Variants in OTOL1 observed in about 807,000 individuals in gnomAD.
The protein encoded by OTOL1 is otolin 1, also known as otolin-1.
In OTOL1, 31 loss-of-function variants were observed where a neutral mutation model predicts 25.0. That is an observed-to-expected ratio of 1.24 (90% CI 0.93 to 1.67). The LOEUF is 1.67. Among genes scored for constraint, OTOL1 ranks in the 40% most tolerant of loss-of-function variants. OTOL1 has a pLI of 0.00. For missense variants in OTOL1, 654 were observed against 587.7 expected (o/e 1.11, Z -1.17); for synonymous variants, 225 against 210.3 (o/e 1.07, Z -0.61).
At position 161,503,502 on chromosome 3, in the gene OTOL1, G is replaced by T; in HGVS notation, c.994G>T (p.Gly332Cys). The change falls in exon 4 of 4, where the codon GGC becomes TGC. Residue 332 changes from glycine to cysteine, a missense_variant. Transcript: ENST00000327928. ...GAAGAAGGGCTCTCGGGGCTTTAAA[G>T]GCTCCAAGGGTGAGTTGGCTAGAGT... is the stretch of plus-strand genomic sequence containing the variant. ...TGKKGSRGFK[G>C]SKGELARVPR... The T allele has an allele frequency of 6.2e-7, 1 of 1,613,778 alleles. No individual in the cohort carries two copies. Among genetic ancestry groups the T allele is most frequent in the Non-Finnish European group, 8.5e-7 (1 of 1,179,812 alleles).
rs746515329 is a variant in OTOL1, at chr3:161,503,642, G to A, written c.1134G>A (p.Gly378=). 1 of 1,613,862 alleles carries A rather than the reference G, an allele frequency of 6.2e-7. No individual in the cohort carries two copies. The highest frequency in any genetic ancestry group is 1.1e-5 in the South Asian group (1 of 91,058). ...AAGGGAATTACAGTCCTGTCACTGGGAAGTTTAACTGCTCTATTCCTGGGA... is the reference window on the plus strand; with the variant it reads ...AAGGGAATTACAGTCCTGTCACTGGAAAGTTTAACTGCTCTATTCCTGGGA... The part of the protein sequence containing the change: ...NDQGNYSPVT[G]KFNCSIPGTY... Residue 378 remains glycine, a synonymous_variant, in exon 4 of 4, where the codon GGG becomes GGA. Transcript: ENST00000327928.
At chr3:161,497,889 A>G (rs1718875542) in intron 1 of OTOL1, among the ~76,000 whole-genome samples, 1 of 152,178 alleles carries the variant, frequency 6.6e-6, no homozygotes, top group Non-Finnish European at 1.5e-5. Flanking sequence ...TGTCATCTAG[A>G]AGAGAATTCA....
In OTOL1 at chr3:161,503,463, C is replaced by T. The variant is rs768325686; in HGVS notation, c.955C>T (p.Arg319Ter). 1.1e-5 allele frequency: 17 copies of T among 1,613,170 alleles called. No individual in the cohort carries two copies. The highest frequency in any genetic ancestry group is 1.6e-4 in the Middle Eastern group (1 of 6,082). The change falls in exon 4 of 4, where the codon CGA becomes TGA. Residue 319 changes from arginine (R) to a stop codon, truncating the protein, a stop_gained. Coordinates refer to ENST00000327928, the MANE Select transcript of OTOL1 (RefSeq NM_001080440.1). LOFTEE classifies it low-confidence loss of function (END_TRUNC). ...GGGTGACATTGGCAACAAAGGGGTC[C>T]GAGGCCCCACTGGGAAGAAGGGCTC... ...PKGDIGNKGV[R>*]GPTGKKGSRG...
intron 2 of OTOL1, among the ~76,000 whole-genome samples, chr3:161,500,566 G>GA (rs914174783): frequency 1.5e-4 from 22 of 150,990 alleles, no homozygotes; most frequent in African/African-American, 4.1e-4. Flanking sequence ...TAGAAAGTTA[G>GA]AAAAAAAAAT....
rs770545451 is a variant in OTOL1, at chr3:161,497,185, T to C, written c.364+14T>C. On this transcript the variant is annotated intron_variant, in intron 1 of 3. Transcript: ENST00000327928. Reference sequence around the variant, plus strand: ...CTGGACAGCCAGGTATTAGAAAATATAAGAAGTCATGTTTCTCACTTGTAC... The same window carrying C: ...CTGGACAGCCAGGTATTAGAAAATACAAGAAGTCATGTTTCTCACTTGTAC... 3.8e-6 allele frequency: 6 copies of C among 1,593,652 alleles called. No individual in the cohort carries two copies. In the East Asian group the frequency reaches 1.1e-4, roughly 30 times the overall value.
In OTOL1 at chr3:161,497,176, T is replaced by C. The variant is rs759793797; in HGVS notation, c.364+5T>C. ...CTGGAGAGACTGGACAGCCAGGTAT[T>C]AGAAAATATAAGAAGTCATGTTTCT... is the stretch of plus-strand genomic sequence containing the variant. On this transcript the variant is annotated splice_donor_5th_base_variant and intron_variant, in intron 1 of 3. Coordinates refer to ENST00000327928, the MANE Select transcript of OTOL1 (RefSeq NM_001080440.1). 4.4e-5 allele frequency: 71 copies of C among 1,599,310 alleles called. No individual in the cohort carries two copies. The highest frequency in any genetic ancestry group is 5.6e-5 in the Non-Finnish European group (66 of 1,174,078).
In OTOL1 at chr3:161,499,226, G is replaced by A; in HGVS notation, c.420G>A (p.Gly140=). 1 of 1,611,162 alleles carries A rather than the reference G, an allele frequency of 6.2e-7. No individual in the cohort carries two copies. Among genetic ancestry groups the A allele is most frequent in the South Asian group, 1.1e-5 (1 of 90,272 alleles). ...TCCCAGGGCCACCAGGAGTTGTTGG[G>A]CCCCAAGGCCCTAGAGGCTACAAAG... The part of the protein sequence containing the change: ...LGIPGPPGVV[G]PQGPRGYKGE... The change falls in exon 2 of 4, where the codon GGG becomes GGA. Residue 140 remains glycine, a synonymous_variant. Transcript: ENST00000327928.
chr3:161,502,260 T>C (rs1298041013), intron 2 of OTOL1, 47 bp from the exon 3 acceptor site: 1 of 1,470,158 alleles, frequency 6.8e-7, no homozygotes. Flanking sequence ...ATTAAATATA[T>C]CATAAATGAT....
At chr3:161,502,211 A>G in intron 2 of OTOL1, 96 bp from the exon 3 acceptor site, 1 of 1,198,844 alleles carries the variant, frequency 8.3e-7, no homozygotes, top group Non-Finnish European at 1.2e-6. Flanking sequence ...CATTTTGGTT[A>G]AAGAAAACAC....
Position 161,499,229 on chromosome 3 carries a change from C to A in OTOL1, c.423C>A (p.Pro141=). Residue 141 remains proline, a synonymous_variant, in exon 2 of 4, where the codon CCC becomes CCA. Transcript: ENST00000327928. The part of the protein sequence containing the change: ...GIPGPPGVVG[P]QGPRGYKGEK... ...CAGGGCCACCAGGAGTTGTTGGGCC[C>A]CAAGGCCCTAGAGGCTACAAAGGAG... The A allele has an allele frequency of 6.2e-7, 1 of 1,610,946 alleles. No individual in the cohort carries two copies. The highest frequency in any genetic ancestry group is 8.5e-7 in the Non-Finnish European group (1 of 1,178,674).
At position 161,497,017 on chromosome 3, in the gene OTOL1, C is replaced by T. The variant is rs1293975417; in HGVS notation, c.210C>T (p.Thr70=). Reference sequence around the variant, plus strand: ...TGGCTGAAATGGCAGAACCAATTACCAAACCCTCGGCCTTGGATTCTGTCT... The same window carrying T: ...TGGCTGAAATGGCAGAACCAATTACTAAACCCTCGGCCTTGGATTCTGTCT... ...TEMAEMAEPI[T]KPSALDSVFG... is the part of the protein sequence containing the mutation. The change falls in exon 1 of 4, where the codon ACC becomes ACT. Residue 70 remains threonine (T), a synonymous_variant. Coordinates refer to ENST00000327928, the MANE Select transcript of OTOL1 (RefSeq NM_001080440.1). 9 of 1,613,640 alleles carry T rather than the reference C, an allele frequency of 5.6e-6. No individual in the cohort carries two copies. Among genetic ancestry groups the T allele is most frequent in the Non-Finnish European group, 7.6e-6 (9 of 1,179,662 alleles).
chr3:161,498,616 T>C (rs1718895017), intron 1 of OTOL1, among the ~76,000 whole-genome samples: 1 of 152,176 alleles, frequency 6.6e-6, no homozygotes, highest in Non-Finnish European at 1.5e-5. Flanking sequence ...TTATATCATT[T>C]ACTACAATGT....
intron 1 of OTOL1, among the ~76,000 whole-genome samples, chr3:161,498,911 G>A (rs1252984031): frequency 6.6e-6 from 1 of 152,140 alleles, no homozygotes; most frequent in Non-Finnish European, 1.5e-5. Flanking sequence ...ATATAGTGCT[G>A]CTTCCCTGAA....
chr3:161,500,891 G>A (rs1718958756), intron 2 of OTOL1, among the ~76,000 whole-genome samples: 1 of 152,172 alleles, frequency 6.6e-6, no homozygotes, highest in Admixed American at 6.5e-5. Flanking sequence ...TTCTCTAGTT[G>A]ATCTTGTGAA....
chr3:161,502,408 C>G (rs374301254), intron 3 of OTOL1, 39 bp downstream of exon 3: 3 of 1,508,986 alleles, frequency 2.0e-6, no homozygotes, highest in African/African-American at 1.4e-5. Context: ...CAGTCAGGTG[C>G]GCAGTATAGC....
rs2108230538 is a variant in OTOL1 at position 161,503,570 on chromosome 3, T to A, written c.1062T>A (p.Pro354=). 6.2e-7 allele frequency: 1 copy of A among 1,613,720 alleles called. No individual in the cohort carries two copies. The highest frequency in any genetic ancestry group is 2.2e-5 in the East Asian group (1 of 44,842). ...AFSAGLSKPF[P]PPNIPIKFEK... is the part of the protein sequence containing the mutation. The stretch of plus-strand genomic sequence containing the variant: ...GCGCTGGTTTGTCAAAGCCATTTCC[T>A]CCTCCTAACATCCCCATCAAATTTG... The change falls in exon 4 of 4, where the codon CCT becomes CCA. Residue 354 remains proline, a synonymous_variant. Transcript: ENST00000327928.
chr3:161,498,883 T>C (rs1018432235), intron 1 of OTOL1, among the ~76,000 whole-genome samples: 1 of 152,240 alleles, frequency 6.6e-6, no homozygotes, highest in Non-Finnish European at 1.5e-5. Flanking sequence ...TGTCAGATTA[T>C]CATTTTGTTC....
rs1451651283 is a variant in OTOL1 at position 161,497,160 on chromosome 3, C to G, written c.353C>G (p.Thr118Ser). The G allele has an allele frequency of 1.9e-6, 3 of 1,610,128 alleles. 1 individual carries two copies. In the South Asian group the frequency reaches 3.3e-5, roughly 18 times the overall value. The change falls in exon 1 of 4, where the codon ACT (threonine) becomes AGT (serine). Residue 118 changes from threonine (T) to serine (S), a missense_variant. Coordinates refer to ENST00000327928, the MANE Select transcript of OTOL1 (RefSeq NM_001080440.1). ...VPGQKGEPGETGQPGPKGEAG... is the reference protein window; with the variant it reads ...VPGQKGEPGESGQPGPKGEAG... ...GGGCAGAAAGGAGAACCTGGAGAGACTGGACAGCCAGGTATTAGAAAATAT... is the reference window on the plus strand; with the variant it reads ...GGGCAGAAAGGAGAACCTGGAGAGAGTGGACAGCCAGGTATTAGAAAATAT...
Position 161,503,203 on chromosome 3 carries a change from TGGGGGAGAA to T in OTOL1, c.704_712del (p.Lys235_Glu237del). 1 of 493,278 alleles carries T rather than the reference TGGGGGAGAA, an allele frequency of 2.0e-6. No homozygotes were observed. Among genetic ancestry groups the T allele is most frequent in the Non-Finnish European group, 2.7e-6 (1 of 368,210 alleles). 30.6% of individuals were successfully genotyped at this position (493,278 alleles called of 1,614,324 possible). A position where few individuals can be genotyped will look rare whatever the true frequency, so the allele number is the denominator to read the frequency against. ...GGCGCCAAGGGAGAGAAGGGGGAGATGGGGGAGAAGGGGGAGATGGGGGATAAGGGCTGC... is the reference window on the plus strand; with the variant it reads ...GGCGCCAAGGGAGAGAAGGGGGAGATGGGGGAGATGGGGGATAAGGGCTGC... On this transcript the variant is annotated inframe_deletion, in exon 4 of 4. Transcript: ENST00000327928.
Sources: allele counts gnomAD v4.1 joint callset (sites outside exome capture counted in the v4.1 genomes callset), GRCh38; gene constraint gnomAD v4.1.1; transcripts MANE v1.5; gene names NCBI Gene and HGNC (gene_info 2026-07-23, HGNC 2026-07-21).